SDCCAG8: variants seen among roughly 807,000 people sequenced by gnomAD.
SDCCAG8 encodes serologically defined colon cancer antigen 8.
Under a neutral mutation model 101.8 loss-of-function variants are expected in SDCCAG8, and 74 were observed. The observed-to-expected ratio is 0.73, with a 90% CI of 0.60 to 0.88. The LOEUF (loss-of-function observed/expected upper bound fraction) is 0.88. SDCCAG8 is among the 40% of genes least tolerant of loss of function. The pLI is 0.00. For synonymous variants in SDCCAG8, 281 were observed against 292.9 expected, an observed-to-expected ratio of 0.96 and a Z score of 0.41; for missense variants, 787 against 822.6, an observed-to-expected ratio of 0.96 and a Z score of 0.53.
At chr1:243,368,516 G>A (rs1041133645) in intron 12 of SDCCAG8, among the ~76,000 whole-genome samples, 2 of 152,226 alleles carry the variant, frequency 1.3e-5, no homozygotes, top group African/African-American at 4.8e-5. Flanking sequence ...TATCCAAAAT[G>A]TTTTGAGTTT....
chr1:243,264,729 G>A (rs2067453499), intron 1 of SDCCAG8, among the ~76,000 whole-genome samples: 1 of 152,224 alleles, frequency 6.6e-6, no homozygotes, highest in Non-Finnish European at 1.5e-5. Context: ...TAGTGCATTA[G>A]CAGAAATATT....
intron 16 of SDCCAG8, among the ~76,000 whole-genome samples, chr1:243,440,618 C>G (rs1435797057): frequency 6.6e-6 from 1 of 152,166 alleles, no homozygotes; most frequent in Non-Finnish European, 1.5e-5. Flanking sequence ...TCCAATTGTG[C>G]ACTTTTGATG....
chr1:243,272,522 A>T (rs1217287448), intron 3 of SDCCAG8, among the ~76,000 whole-genome samples: 12 of 152,132 alleles, frequency 7.9e-5, no homozygotes. Context: ...AGACTGGTGG[A>T]ATGCTTTTAA....
intron 12 of SDCCAG8, among the ~76,000 whole-genome samples, chr1:243,374,507 G>C (rs921648003): frequency 1.3e-5 from 2 of 152,038 alleles, no homozygotes; most frequent in Middle Eastern, 3.2e-3. Context: ...GGGATTTTCA[G>C]TTGTACTATT....
intron 13 of SDCCAG8, among the ~76,000 whole-genome samples, chr1:243,391,986 C>G (rs1055365778): frequency 1.2e-4 from 18 of 152,114 alleles, no homozygotes; most frequent in African/African-American, 4.1e-4. Flanking sequence ...GCTCACCAGG[C>G]TGGACGTTGC....
At chr1:243,420,035 T>C (rs2080880411) in intron 15 of SDCCAG8, among the ~76,000 whole-genome samples, 1 of 152,248 alleles carries the variant, frequency 6.6e-6, no homozygotes, top group African/African-American at 2.4e-5. Context: ...GAATAAATGA[T>C]GAATGAATGA....
chr1:243,460,411 G>A (rs1658840376), intron 16 of SDCCAG8, among the ~76,000 whole-genome samples: 2 of 152,148 alleles, frequency 1.3e-5, no homozygotes, highest in Admixed American at 6.5e-5. Flanking sequence ...TGGAATTGGC[G>A]CCAGCAGGGA....
intron 9 of SDCCAG8, among the ~76,000 whole-genome samples, chr1:243,318,312 A>G (rs1174581240): frequency 6.6e-6 from 1 of 152,216 alleles, no homozygotes; most frequent in Admixed American, 6.5e-5. Flanking sequence ...ATAAGAACTT[A>G]TGAGCACAAA....
rs183119880 is a variant in SDCCAG8, at chr1:243,389,683, C to T, written c.1616+10820C>T. ...TTAAAACAAATATGCTGATCATTTA[C>T]CACAAGAAGCTTGAGATGCTATGCT... is the stretch of plus-strand genomic sequence containing the variant. On this transcript the variant is annotated intron_variant, in intron 13 of 17. Transcript: ENST00000366541. Among the ~76,000 whole-genome samples, 766 of 152,168 alleles carry T rather than the reference C, an allele frequency of 5.0e-3. 5 individuals carry two copies. The highest frequency in any genetic ancestry group is 8.8e-3 in the Non-Finnish European group (599 of 68,002).
At chr1:243,307,936 A>G (rs2072322355) in intron 7 of SDCCAG8, 53 bp from the exon 8 acceptor site, 8 of 1,606,928 alleles carry the variant, frequency 5.0e-6, no homozygotes, top group Non-Finnish European at 6.8e-6. Flanking sequence ...TTCATTTTAA[A>G]GTCATGTAAT....
At chr1:243,274,511 T>A in intron 3 of SDCCAG8, 32 bp from the exon 4 acceptor site, 1 of 1,251,890 alleles carries the variant, frequency 8.0e-7, no homozygotes, top group Non-Finnish European at 1.2e-6. Context: ...ATTTATGTAT[T>A]TATGTATTTA....
chr1:243,275,192 C>A (rs1420463307), intron 4 of SDCCAG8, among the ~76,000 whole-genome samples: 2 of 152,216 alleles, frequency 1.3e-5, no homozygotes, highest in African/African-American at 4.8e-5. Context: ...ATATGCTCAA[C>A]TGCGTGCAGT....
intron 1 of SDCCAG8, 83 bp downstream of exon 1, chr1:243,256,323 A>T: frequency 8.9e-7 from 1 of 1,124,488 alleles, no homozygotes. Context: ...GTTTCCTAAC[A>T]CCTGGGTTCT....
intron 16 of SDCCAG8, among the ~76,000 whole-genome samples, chr1:243,461,900 T>C (rs190966165): frequency 2.0e-5 from 3 of 152,288 alleles, no homozygotes; most frequent in Non-Finnish European, 2.9e-5. Flanking sequence ...CAAAGGTCTT[T>C]TCCGAGCCCA....
At chr1:243,386,818 G>C (rs1021779582) in intron 13 of SDCCAG8, among the ~76,000 whole-genome samples, 2 of 151,956 alleles carry the variant, frequency 1.3e-5, no homozygotes, top group Non-Finnish European at 2.9e-5. Flanking sequence ...AGTGTTAGCT[G>C]CTCCCTTATG....
At chr1:243,418,998 G>A (rs549201124) in intron 15 of SDCCAG8, among the ~76,000 whole-genome samples, 2 of 152,108 alleles carry the variant, frequency 1.3e-5, no homozygotes, top group South Asian at 4.1e-4. Context: ...TACTGACCTA[G>A]ATGTTTCATT....
chr1:243,437,294 T>A (rs114369253), intron 16 of SDCCAG8, among the ~76,000 whole-genome samples: 1,684 of 152,286 alleles, frequency 0.011, 35 homozygotes, highest in African/African-American at 0.039. Flanking sequence ...TTTATTAACA[T>A]GCATTCAGCA....
At chr1:243,367,149 T>C (rs1022412842) in intron 12 of SDCCAG8, among the ~76,000 whole-genome samples, 4 of 152,194 alleles carry the variant, frequency 2.6e-5, no homozygotes, top group African/African-American at 9.6e-5. Context: ...TGCTGTGATA[T>C]GTTTTCCTGC....
At chr1:243,370,345 G>T (rs2077219220) in intron 12 of SDCCAG8, among the ~76,000 whole-genome samples, 1 of 152,042 alleles carries the variant, frequency 6.6e-6, no homozygotes. Context: ...TTAATGAATG[G>T]CCTGATATTT....
Sources: gnomAD v4.1 joint callset for allele counts (sites outside exome capture counted in the v4.1 genomes callset) on GRCh38, gnomAD v4.1.1 for gene constraint, MANE v1.5 for transcripts, NCBI Gene and HGNC (gene_info 2026-07-23, HGNC 2026-07-21) for gene names.